The following DPH6 variants were observed in gnomAD, a reference collection of about 807,000 sequenced individuals.
DPH6 encodes the protein diphthine--ammonia ligase.
In DPH6, 33 loss-of-function variants were observed where a neutral mutation model predicts 38.2. The observed-to-expected ratio is 0.86, with a 90% confidence interval of 0.65 to 1.15. The LOEUF is 1.15. DPH6 is among the 50% of genes most tolerant of loss of function. The pLI is 0.00. For missense variants in DPH6, 325 were observed against 320.0 expected, an observed-to-expected ratio of 1.02 and a Z score of -0.12; for synonymous variants, 108 against 103.0, an observed-to-expected ratio of 1.05 and a Z score of -0.30.
At chr15:35,322,213 A>G (rs1196761494) in intron 3 of DPH6, among the ~76,000 whole-genome samples, 2 of 152,224 alleles carry the variant, frequency 1.3e-5, no homozygotes, top group Non-Finnish European at 2.9e-5. Flanking sequence ...CTCTGGCCAC[A>G]TGATATCTTG....
intron 3 of DPH6, among the ~76,000 whole-genome samples, chr15:35,308,928 A>C (rs777247056): frequency 5.3e-5 from 8 of 152,218 alleles, no homozygotes; most frequent in Non-Finnish European, 1.0e-4. Flanking sequence ...ATCTGGTACT[A>C]ACACTGTCAA....
intron 3 of DPH6, among the ~76,000 whole-genome samples, chr15:35,292,600 A>G (rs193006183): frequency 8.5e-4 from 129 of 152,304 alleles, no homozygotes; most frequent in Non-Finnish European, 1.5e-3. Flanking sequence ...ACAGAGCTAA[A>G]AGTCAATACT....
intron 1 of DPH6, among the ~76,000 whole-genome samples, chr15:35,542,832 C>T (rs905547839): frequency 6.9e-6 from 1 of 144,408 alleles, no homozygotes; most frequent in Non-Finnish European, 1.5e-5. Context: ...CCCAGCTAAA[C>T]ATTTATTATA....
At chr15:35,251,083 T>C (rs1019271552) in intron 3 of DPH6, among the ~76,000 whole-genome samples, 8 of 152,190 alleles carry the variant, frequency 5.3e-5, no homozygotes. Flanking sequence ...TTTTGAAAAA[T>C]GCAGTGTCTC....
At chr15:35,182,169 A>C in the DPH6 span, among the ~76,000 whole-genome samples, 1 of 144,858 alleles carries the variant, frequency 6.9e-6, no homozygotes, top group African/African-American at 2.7e-5. Context: ...TACATGTATA[A>C]GTATAATAAC....
At chr15:35,496,567 A>AAAAAAAAAAAAAAATATATATATATAT in intron 3 of DPH6, among the ~76,000 whole-genome samples, 5 of 31,006 alleles carry the variant, frequency 1.6e-4, no homozygotes, top group African/African-American at 4.1e-4. Flanking sequence ...AAAAAAAAAA[A>AAAAAAAAAAAAAAATATATATATATAT]ATATATATAT....
chr15:35,159,264 C>T, the DPH6 span, among the ~76,000 whole-genome samples: 1 of 152,038 alleles, frequency 6.6e-6, no homozygotes, highest in African/African-American at 2.4e-5. Flanking sequence ...ACCATGTTCC[C>T]ATGTAAGACC....
intron 6 of DPH6, among the ~76,000 whole-genome samples, chr15:35,389,751 G>A (rs2053027009): frequency 6.6e-6 from 1 of 152,082 alleles, no homozygotes; most frequent in South Asian, 2.1e-4. Flanking sequence ...ACGTGAGATT[G>A]GTTTCCTGAA....
intron 3 of DPH6, among the ~76,000 whole-genome samples, chr15:35,350,010 G>C (rs2052496032): frequency 1.3e-5 from 2 of 152,138 alleles, no homozygotes; most frequent in African/African-American, 4.8e-5. Context: ...TTTTGCAAGA[G>C]TTTGAGAAGG....
chr15:35,197,216 T>C, the DPH6 span, among the ~76,000 whole-genome samples: 1 of 152,050 alleles, frequency 6.6e-6, no homozygotes, highest in African/African-American at 2.4e-5. Flanking sequence ...ATTTAAAAAA[T>C]TGGAACTAAG....
intron 3 of DPH6, among the ~76,000 whole-genome samples, chr15:35,295,433 G>A (rs66776579): frequency 0.06 from 9,152 of 152,142 alleles, 731 homozygotes; most frequent in East Asian, 0.32. Flanking sequence ...TCCCACCCAC[G>A]TTCTAGGACC....
chr15:35,229,322 A>G (rs1053000459), intron 3 of DPH6, among the ~76,000 whole-genome samples: 12 of 143,906 alleles, frequency 8.3e-5, no homozygotes, highest in African/African-American at 3.0e-4. Flanking sequence ...TTCTGCTATT[A>G]AAAGACTCGG....
chr15:35,176,267 G>A, the DPH6 span, among the ~76,000 whole-genome samples: 13 of 152,050 alleles, frequency 8.5e-5, no homozygotes, highest in Admixed American at 7.2e-4. Context: ...CGTCTTTTAG[G>A]TACTCATAAA....
Position 35,371,487 on chromosome 15 carries a change from G to T in DPH6, c.*663C>A. The T allele has an allele frequency of 1.3e-6, 1 of 751,544 alleles. No individual in the cohort carries two copies. Among genetic ancestry groups the T allele is most frequent in the Non-Finnish European group, 1.6e-6 (1 of 617,028 alleles). 46.6% of individuals were successfully genotyped at this position (751,544 alleles called of 1,614,324 possible). A position where few individuals can be genotyped will look rare whatever the true frequency, so the allele number is the denominator to read the frequency against. On this transcript the variant is annotated 3_prime_UTR_variant, in exon 9 of 9. Transcript: ENST00000256538. ...TATATGGGAAATCTCTGCATTTTCT[G>T]CTCCATTTTTGCTGTGAACCTAAAA...
At chr15:35,247,556 C>T (rs1364109708) in intron 3 of DPH6, among the ~76,000 whole-genome samples, 1 of 152,102 alleles carries the variant, frequency 6.6e-6, no homozygotes, top group Non-Finnish European at 1.5e-5. Flanking sequence ...ATGTCTTTAG[C>T]CCCAGGTAAT....
chr15:35,325,575 G>A (rs915374182), intron 3 of DPH6, among the ~76,000 whole-genome samples: 14 of 152,136 alleles, frequency 9.2e-5, no homozygotes, highest in Non-Finnish European at 1.6e-4. Context: ...AAATCAGCTG[G>A]GGGTGGAGGA....
the DPH6 span, among the ~76,000 whole-genome samples, chr15:35,145,355 C>T: frequency 6.6e-6 from 1 of 152,112 alleles, no homozygotes; most frequent in Non-Finnish European, 1.5e-5. Context: ...TCCTAGTGTC[C>T]TTTAACTGAA....
intron 3 of DPH6, among the ~76,000 whole-genome samples, chr15:35,289,252 T>A (rs1006037546): frequency 6.6e-6 from 1 of 152,204 alleles, no homozygotes; most frequent in Non-Finnish European, 1.5e-5. Context: ...GCTTAAGGTT[T>A]CCGTGCTATT....
chr15:35,216,368 G>A (rs2051411005), downstream of DPH6, among the ~76,000 whole-genome samples: 1 of 152,056 alleles, frequency 6.6e-6, no homozygotes, highest in Admixed American at 6.6e-5. Context: ...TTATATACTT[G>A]GTAGCTTAAT....
Sources: gnomAD v4.1 joint callset for allele counts (sites outside exome capture counted in the v4.1 genomes callset) on GRCh38, gnomAD v4.1.1 for gene constraint, MANE v1.5 for transcripts, NCBI Gene and HGNC (gene_info 2026-07-23, HGNC 2026-07-21) for gene names.